MDGA2: variants seen among roughly 807,000 people sequenced by gnomAD.
MDGA2 encodes the protein MAM domain containing glycosylphosphatidylinositol anchor 2.
A neutral mutation model predicts 117.8 loss-of-function variants in MDGA2; 40 were observed. The observed-to-expected ratio is 0.34, with a 90% CI of 0.26 to 0.44. The LOEUF (loss-of-function observed/expected upper bound fraction) is 0.44, where lower values mean the gene tolerates loss of function less well. MDGA2 is among the 20% of genes least tolerant of loss of function. The probability of loss-of-function intolerance (pLI) is 1.00; values close to 1 mark genes in which losing one functional copy is unlikely to be tolerated. For synonymous variants in MDGA2, 452 were observed against 439.0 expected (o/e 1.03, Z -0.37); for missense variants, 1,123 against 1,250.6 (o/e 0.90, Z 1.54).
At chr14:47,139,801 T>C (rs112578545) in intron 4 of MDGA2, among the ~76,000 whole-genome samples, 419 of 41,572 alleles carry the variant, frequency 0.01, 11 homozygotes, top group African/African-American at 0.061. Context: ...TGTGTATATA[T>C]ATGTATATAT....
rs977343162 is a variant in MDGA2, at chr14:47,392,646, C to G, written c.281-91096G>C. On this transcript the variant is annotated intron_variant, in intron 1 of 16. Transcript: ENST00000399232. ...TCTGGAACCTTGTCAGGAAGCAAGA[C>G]TTTGCTAACATCTGCTAGGAACAGA... 1.7e-4 allele frequency among the ~76,000 whole-genome samples: 26 copies of G among 152,208 alleles called. 1 individual carries two copies. Among genetic ancestry groups the G allele is most frequent in the African/African-American group, 6.0e-4 (25 of 41,526 alleles).
chr14:46,865,025 A>C (rs1273744431), intron 14 of MDGA2, among the ~76,000 whole-genome samples: 1 of 152,052 alleles, frequency 6.6e-6, no homozygotes, highest in Non-Finnish European at 1.5e-5. Flanking sequence ...AAGGGAAAAA[A>C]AATCCCAATA....
At chr14:46,868,214 A>C (rs1430336204) in intron 14 of MDGA2, among the ~76,000 whole-genome samples, 1 of 151,774 alleles carries the variant, frequency 6.6e-6, no homozygotes, top group Non-Finnish European at 1.5e-5. Flanking sequence ...AGGAGCAGAG[A>C]AGATAGGAAA....
chr14:47,214,712 C>T (rs1057295389), intron 3 of MDGA2, among the ~76,000 whole-genome samples: 1 of 152,068 alleles, frequency 6.6e-6, no homozygotes, highest in Non-Finnish European at 1.5e-5. Context: ...TTTCGTGAAA[C>T]TACATTTCCT....
chr14:47,578,097 A>C (rs1266890680), intron 1 of MDGA2, among the ~76,000 whole-genome samples: 1 of 152,160 alleles, frequency 6.6e-6, no homozygotes, highest in Admixed American at 6.5e-5. Flanking sequence ...CATAAAAAGG[A>C]ATGAGATCAT....
At chr14:47,481,107 C>T (rs1045710422) in intron 1 of MDGA2, among the ~76,000 whole-genome samples, 1 of 151,910 alleles carries the variant, frequency 6.6e-6, no homozygotes, top group African/African-American at 2.4e-5. Flanking sequence ...TACGAGTTAA[C>T]CAGATCCAGT....
At chr14:47,375,894 C>A (rs1286690980) in intron 1 of MDGA2, among the ~76,000 whole-genome samples, 1 of 151,992 alleles carries the variant, frequency 6.6e-6, no homozygotes, top group Non-Finnish European at 1.5e-5. Context: ...AGAACCTGGC[C>A]CACAGTGGGT....
intron 9 of MDGA2, among the ~76,000 whole-genome samples, chr14:46,929,373 A>C (rs1884448469): frequency 6.6e-6 from 1 of 151,194 alleles, no homozygotes; most frequent in Non-Finnish European, 1.5e-5. Flanking sequence ...TCAAACCCCT[A>C]AAAAGGGAAA....
intron 8 of MDGA2, among the ~76,000 whole-genome samples, chr14:46,960,947 TATAC>T (rs771111668): frequency 2.7e-4 from 37 of 137,096 alleles, no homozygotes; most frequent in African/African-American, 9.7e-4. Context: ...CGTATATATA[TATAC>T]ACACACACAC....
In MDGA2 at chr14:47,457,812, G is replaced by GTTT. The variant is rs34337535; in HGVS notation, c.281-156265_281-156263dup. Among the ~76,000 whole-genome samples, 23 of 143,694 alleles carry GTTT rather than the reference G, an allele frequency of 1.6e-4. No individual in the cohort carries two copies. In the East Asian group the frequency reaches 3.2e-3, roughly 20 times the overall value. 94.3% of individuals were successfully genotyped at this position (143,694 alleles called of 152,430 possible). ...TCAGGCCACAGAGTCATTTTTTTCT[G>GTTT]TTTTTTTTTTTTGTTTGTTTATTTG... is the stretch of plus-strand genomic sequence containing the variant. On this transcript the variant is annotated intron_variant, in intron 1 of 16. Coordinates refer to ENST00000399232, the MANE Select transcript of MDGA2 (RefSeq NM_001113498.3).
chr14:47,419,908 G>A (rs1252104296), intron 1 of MDGA2, among the ~76,000 whole-genome samples: 2 of 151,804 alleles, frequency 1.3e-5, no homozygotes, highest in African/African-American at 4.8e-5. Flanking sequence ...GGAAATATGT[G>A]GTATAACCAA....
chr14:47,464,480 A>G (rs1893558770), intron 1 of MDGA2, among the ~76,000 whole-genome samples: 1 of 152,092 alleles, frequency 6.6e-6, no homozygotes, highest in Non-Finnish European at 1.5e-5. Flanking sequence ...GAAAAACATC[A>G]AAGTTTCAGA....
At chr14:47,431,608 A>G (rs757653209) in intron 1 of MDGA2, among the ~76,000 whole-genome samples, 17 of 152,094 alleles carry the variant, frequency 1.1e-4, no homozygotes, top group Non-Finnish European at 2.2e-4. Context: ...AAATTTGATC[A>G]TGTTTAAAAT....
chr14:47,076,789 T>G (rs1890512597), intron 6 of MDGA2, among the ~76,000 whole-genome samples: 1 of 152,092 alleles, frequency 6.6e-6, no homozygotes, highest in African/African-American at 2.4e-5. Flanking sequence ...AGAATTAATT[T>G]TCTTGAATCC....
intron 10 of MDGA2, 104 bp from the exon 11 acceptor site, chr14:46,882,325 A>G (rs963701688): frequency 2.7e-5 from 24 of 892,674 alleles, no homozygotes; most frequent in Non-Finnish European, 3.7e-5. Context: ...AAAAGTACGT[A>G]TATTAATGAA....
chr14:47,152,709 A>C (rs894929743), intron 3 of MDGA2, among the ~76,000 whole-genome samples: 15 of 152,228 alleles, frequency 9.9e-5, no homozygotes, highest in African/African-American at 3.6e-4. Context: ...TGAAAAAAAA[A>C]CACAACACAA....
At chr14:47,668,853 G>A (rs1331257187) in intron 1 of MDGA2, among the ~76,000 whole-genome samples, 6 of 152,118 alleles carry the variant, frequency 3.9e-5, no homozygotes, top group East Asian at 1.9e-4. Context: ...ATAAGCTCTC[G>A]AGCTCAGTTC....
At chr14:47,285,788 T>G (rs2139753993) in intron 2 of MDGA2, among the ~76,000 whole-genome samples, 1 of 152,254 alleles carries the variant, frequency 6.6e-6, no homozygotes, top group Non-Finnish European at 1.5e-5. Flanking sequence ...TATTAAATGC[T>G]TAATTCTTAG....
At chr14:47,463,376 G>A (rs967072102) in intron 1 of MDGA2, among the ~76,000 whole-genome samples, 1 of 151,870 alleles carries the variant, frequency 6.6e-6, no homozygotes, top group Non-Finnish European at 1.5e-5. Flanking sequence ...CACAATTTAG[G>A]TATAGAATGA....
Sources: allele counts gnomAD v4.1 joint callset (sites outside exome capture counted in the v4.1 genomes callset), GRCh38; gene constraint gnomAD v4.1.1; transcripts MANE v1.5; gene names NCBI Gene and HGNC (gene_info 2026-07-23, HGNC 2026-07-21).